The following VWDE variants were observed in gnomAD, a reference collection of about 807,000 sequenced individuals.
The protein encoded by VWDE is von Willebrand factor D and EGF domain-containing protein.
In VWDE, 207 loss-of-function variants were observed where a neutral mutation model predicts 178.4. The ratio of observed to expected loss-of-function variants is 1.16; its 90% CI spans 1.04 to 1.30. The LOEUF is 1.30. Ranked by LOEUF, VWDE falls within the 50% of genes most tolerant of loss-of-function variation. VWDE has a pLI of 0.00. For missense variants in VWDE, 2,287 were observed against 1,901.3 expected, an observed-to-expected ratio of 1.20 and a Z score of -3.77; for synonymous variants, 738 against 651.4, an observed-to-expected ratio of 1.13 and a Z score of -2.02.
At chr7:12,334,214 A>T (rs1334670950) in intron 27 of VWDE, among the ~76,000 whole-genome samples, 1 of 152,198 alleles carries the variant, frequency 6.6e-6, no homozygotes, top group Non-Finnish European at 1.5e-5. Context: ...AATGTTAAAC[A>T]TAAGAGGGGA....
intron 18 of VWDE, among the ~76,000 whole-genome samples, chr7:12,353,227 G>C (rs1462633740): frequency 6.6e-6 from 1 of 152,162 alleles, no homozygotes; most frequent in Non-Finnish European, 1.5e-5. Context: ...TTTTTGGTGA[G>C]GGCTCTCTTC....
chr7:12,361,380 TC>T lies in VWDE; in HGVS notation c.3039del (p.Lys1014SerfsTer4). The T allele has an allele frequency of 6.5e-7, 1 of 1,549,150 alleles. No homozygotes were observed. The highest frequency in any genetic ancestry group is 8.7e-7 in the Non-Finnish European group (1 of 1,146,124). ...TTATTTTTTACCTTCAACTGCCACTTCCCAGTTGGTTTCCCACCCACCAGAT... is the reference window on the plus strand; with the variant it reads ...TTATTTTTTACCTTCAACTGCCACTTCCAGTTGGTTTCCCACCCACCAGAT... ...TMDLVGGKPTGKWQLKVSNDG... is the reference protein window; with the variant it reads ...TMDLVGGKPTXKWQLKVSNDG... On this transcript the variant is annotated frameshift_variant, in exon 14 of 29. Coordinates refer to ENST00000275358, the MANE Select transcript of VWDE (RefSeq NM_001135924.3). LOFTEE classifies it high-confidence loss of function.
rs747312182 is a variant in VWDE at position 12,370,211 on chromosome 7, T to G, written c.2095A>C (p.Lys699Gln). The change falls in exon 12 of 29, where the codon AAA becomes CAA. Residue 699 changes from lysine to glutamine, a missense_variant. By Grantham distance (53) the Lys-to-Gln change is moderately conservative. Transcript: ENST00000275358. The part of the protein sequence containing the change: ...EYNLNLFLQE[K>Q]KHINLTKLGL... The stretch of plus-strand genomic sequence containing the variant: ...AGTTTAGTCAGGTTTATGTGTTTTT[T>G]TTCTTGCAGAAATAAATTTAGATTA... 1 of 1,551,274 alleles carries G rather than the reference T, an allele frequency of 6.4e-7. No individual in the cohort carries two copies. Among genetic ancestry groups the G allele is most frequent in the East Asian group, 2.4e-5 (1 of 40,910 alleles).
At chr7:12,340,896 A>G (rs1781291799) in intron 23 of VWDE, among the ~76,000 whole-genome samples, 1 of 152,212 alleles carries the variant, frequency 6.6e-6, no homozygotes, top group Admixed American at 6.6e-5. Context: ...ACTGCACTCA[A>G]GTCCTAGCAC....
chr7:12,358,952 T>C (rs926769398), intron 16 of VWDE, among the ~76,000 whole-genome samples: 1 of 152,198 alleles, frequency 6.6e-6, no homozygotes, highest in Non-Finnish European at 1.5e-5. Context: ...TTACACAGCA[T>C]TGTATAAATA....
chr7:12,394,310 A>C (rs1784528895), intron 1 of VWDE, among the ~76,000 whole-genome samples: 1 of 121,552 alleles, frequency 8.2e-6, no homozygotes, highest in Non-Finnish European at 1.8e-5. Flanking sequence ...TGGATGCAGA[A>C]AAACATTAAA....
Position 12,389,221 on chromosome 7 carries a change from A to G in VWDE, c.381T>C (p.Cys127=). 6.4e-7 allele frequency: 1 copy of G among 1,551,784 alleles called. No homozygotes were observed. Among genetic ancestry groups the G allele is most frequent in the Non-Finnish European group, 8.7e-7 (1 of 1,147,010 alleles). ...QFLFSTTKDC[C]LFQIPVSVRN... ...TTACAGACACTGGGATTTGAAAGAG[A>G]CAGCAGTCTTTTGTAGTGCTGAACA... is the stretch of plus-strand genomic sequence containing the variant. The change falls in exon 3 of 29, where the codon TGT becomes TGC. Residue 127 remains cysteine, a synonymous_variant. Coordinates refer to ENST00000275358, the MANE Select transcript of VWDE (RefSeq NM_001135924.3).
At chr7:12,388,808 C>A (rs1784228827) in intron 3 of VWDE, 1 of 437,494 alleles carries the variant, frequency 2.3e-6, no homozygotes, top group Non-Finnish European at 4.4e-6. Context: ...TTTTACTCAC[C>A]CTTCTTCATC....
intron 24 of VWDE, among the ~76,000 whole-genome samples, chr7:12,338,663 C>T (rs1273519763): frequency 6.6e-6 from 1 of 151,988 alleles, no homozygotes; most frequent in Non-Finnish European, 1.5e-5. Context: ...ATGAGAAAAT[C>T]CACCCTCCAC....
At chr7:12,390,090 G>A (rs955155613) in intron 2 of VWDE, among the ~76,000 whole-genome samples, 12 of 151,830 alleles carry the variant, frequency 7.9e-5, no homozygotes, top group Middle Eastern at 3.2e-3. Context: ...GCTTGAACCA[G>A]GGAGGTGGAG....
chr7:12,380,710 G>A lies in VWDE; in HGVS notation c.565C>T (p.Pro189Ser). Residue 189 changes from proline (P) to serine (S), a missense_variant, in exon 5 of 29, where the codon CCT becomes TCT. Physicochemically the swap from Pro to Ser is moderately conservative, Grantham distance 74. Transcript: ENST00000275358. ...CVRQLAASLP[P>S]PPAGRPEVLV... ...ACCTCTGGCCTTCCTGCAGGTGGAG[G>A]TGGCAATGAGGCAGCCAGCTGACCT... is the stretch of plus-strand genomic sequence containing the variant. 4 of 1,551,836 alleles carry A rather than the reference G, an allele frequency of 2.6e-6. No homozygotes were observed. In the South Asian group the frequency reaches 4.8e-5, roughly 18 times the overall value.
chr7:12,341,963 C>T, intron 23 of VWDE, 96 bp downstream of exon 23: 2 of 895,922 alleles, frequency 2.2e-6, no homozygotes, highest in Non-Finnish European at 1.7e-6. Context: ...CCTGTCTTGT[C>T]AGGTCAGTTT....
chr7:12,359,686 C>A lies in VWDE; in HGVS notation c.3166G>T (p.Val1056Phe). The A allele has an allele frequency of 6.5e-7, 1 of 1,534,008 alleles. No individual in the cohort carries two copies. Among genetic ancestry groups the A allele is most frequent in the Non-Finnish European group, 8.8e-7 (1 of 1,138,538 alleles). The change falls in exon 16 of 29, where the codon GTT (valine) becomes TTT (phenylalanine). Residue 1056 changes from valine (V) to phenylalanine (F), a missense_variant. Transcript: ENST00000275358. The part of the protein sequence containing the change: ...KNDSCTIKEN[V>F]CIIDGLCYVE... The stretch of plus-strand genomic sequence containing the variant: ...TAGCAGAGTCCATCAATAATGCAAA[C>A]ATTTTCCTAATGGAAAATTTTTAAA...
rs201501025 is a variant in VWDE, at chr7:12,389,260, T to G, written c.342A>C (p.Ala114=). 8.4e-5 allele frequency: 130 copies of G among 1,551,622 alleles called. No homozygotes were observed. The highest frequency in any genetic ancestry group is 1.0e-4 in the Non-Finnish European group (116 of 1,147,014). Residue 114 remains alanine (A), a synonymous_variant, in exon 3 of 29, where the codon GCA becomes GCC. Coordinates refer to ENST00000275358, the MANE Select transcript of VWDE (RefSeq NM_001135924.3). ...PGEIKQLTAC[A]TWQFLFSTTK... Reference sequence around the variant, plus strand: ...TAGTGCTGAACAAAAACTGCCATGTTGCACAAGCTGTCAATTGCTTGATCT... The same window carrying G: ...TAGTGCTGAACAAAAACTGCCATGTGGCACAAGCTGTCAATTGCTTGATCT...
intron 23 of VWDE, 76 bp downstream of exon 23, chr7:12,341,983 T>C (rs1043971827): frequency 8.5e-7 from 1 of 1,179,996 alleles, no homozygotes; most frequent in Non-Finnish European, 1.2e-6. Flanking sequence ...TTATGTTTCT[T>C]AGGTGCACGT....
In VWDE at chr7:12,370,782, T is replaced by C; in HGVS notation, c.1670A>G (p.Asp557Gly). ...ACAAAGTCCCAGAGTGTTTCTGTAATCTACACTAGGGGCTCTGATCGTTAG... is the reference window on the plus strand; with the variant it reads ...ACAAAGTCCCAGAGTGTTTCTGTAACCTACACTAGGGGCTCTGATCGTTAG... ...MSLTIRAPSV[D>G]YRNTLGLCGT... The change falls in exon 11 of 29, where the codon GAT becomes GGT. Residue 557 changes from aspartate (D) to glycine (G), a missense_variant. Asp to Gly is a moderately conservative substitution (Grantham distance 94). Coordinates refer to ENST00000275358, the MANE Select transcript of VWDE (RefSeq NM_001135924.3). 1 of 1,551,238 alleles carries C rather than the reference T, an allele frequency of 6.4e-7. No individual in the cohort carries two copies. The highest frequency in any genetic ancestry group is 8.7e-7 in the Non-Finnish European group (1 of 1,146,726).
chr7:12,391,880 T>A (rs1784406581), intron 2 of VWDE, among the ~76,000 whole-genome samples: 2 of 152,142 alleles, frequency 1.3e-5, no homozygotes, highest in African/African-American at 2.4e-5. Context: ...GGGCCAATGG[T>A]AGTTGCATGA....
At chr7:12,381,025 C>G (rs1027601203) in intron 4 of VWDE, among the ~76,000 whole-genome samples, 8 of 152,216 alleles carry the variant, frequency 5.3e-5, no homozygotes, top group East Asian at 1.9e-4. Flanking sequence ...TTCTTTGAAG[C>G]ACTTATCTTT....
intron 3 of VWDE, among the ~76,000 whole-genome samples, chr7:12,387,890 G>T (rs1784184166): frequency 6.7e-6 from 1 of 149,790 alleles, no homozygotes; most frequent in Non-Finnish European, 1.5e-5. Context: ...TCACAAAAAG[G>T]TCGCAAAAAT....
Sources: gnomAD v4.1 joint callset for allele counts (sites outside exome capture counted in the v4.1 genomes callset) on GRCh38, gnomAD v4.1.1 for gene constraint, MANE v1.5 for transcripts, NCBI Gene and HGNC (gene_info 2026-07-23, HGNC 2026-07-21) for gene names.